The following HSD17B4 variants were observed in gnomAD, a reference collection of about 807,000 sequenced individuals.
HSD17B4 encodes the protein hydroxysteroid 17-beta dehydrogenase 4.
In HSD17B4, 70 loss-of-function variants were observed where a neutral mutation model predicts 101.0. That is an observed-to-expected ratio of 0.69 (90% CI 0.57 to 0.85). HSD17B4 has a LOEUF of 0.85. Ranked by LOEUF, HSD17B4 falls within the 40% of genes least tolerant of loss-of-function variation. The probability of loss-of-function intolerance (pLI) is 0.00; values close to 1 mark genes in which losing one functional copy is unlikely to be tolerated. For missense variants in HSD17B4, 984 were observed against 892.4 expected, an observed-to-expected ratio of 1.10 and a Z score of -1.31; for synonymous variants, 347 against 297.1, an observed-to-expected ratio of 1.17 and a Z score of -1.73.
chr5:119,528,353 A>T (rs1257198555), intron 20 of HSD17B4, among the ~76,000 whole-genome samples: 2 of 152,090 alleles, frequency 1.3e-5, no homozygotes, highest in African/African-American at 4.8e-5. Context: ...TTTACTCCTA[A>T]TTCCTTTCTG....
In HSD17B4 at chr5:119,452,707, C is replaced by T. The variant is rs764466711; in HGVS notation, c.58+74C>T. Reference sequence around the variant, plus strand: ...GCTGCTCTTTTCGGGCCGGCATACGCGCGCAGCCGCAGCTGAGGTCACCCC... The same window carrying T: ...GCTGCTCTTTTCGGGCCGGCATACGTGCGCAGCCGCAGCTGAGGTCACCCC... On this transcript the variant is annotated intron_variant, in intron 1 of 23. Coordinates refer to ENST00000510025, the MANE Select transcript of HSD17B4 (RefSeq NM_000414.4). The T allele has an allele frequency of 5.0e-6, 8 of 1,607,360 alleles. No homozygotes were observed. The African/African-American group carries it at 9.3e-5, about 19-fold the overall frequency.
At chr5:119,502,178 A>G (rs776165552) in intron 14 of HSD17B4, 86 bp downstream of exon 14, 47 of 880,886 alleles carry the variant, frequency 5.3e-5, no homozygotes, top group South Asian at 2.1e-4. Context: ...TTAAACTGGT[A>G]TAGAGTGACC....
intron 2 of HSD17B4, 144 bp downstream of exon 2, chr5:119,456,512 G>A (rs1754683627): frequency 6.0e-6 from 4 of 662,394 alleles, no homozygotes; most frequent in Admixed American, 5.2e-5. Flanking sequence ...TTTTTACCCC[G>A]ACTAAGGCTG....
intron 16 of HSD17B4, among the ~76,000 whole-genome samples, chr5:119,512,677 T>C (rs1752285059): frequency 6.6e-6 from 1 of 152,184 alleles, no homozygotes; most frequent in Non-Finnish European, 1.5e-5. Flanking sequence ...AGAGAATTTG[T>C]TGTTAGCAGT....
At chr5:119,497,753 A>G (rs1227427712) in intron 12 of HSD17B4, among the ~76,000 whole-genome samples, 1 of 152,258 alleles carries the variant, frequency 6.6e-6, no homozygotes, top group Non-Finnish European at 1.5e-5. Flanking sequence ...ATAAAACTGT[A>G]TAAAATATGT....
chr5:119,491,504 GAA>G (rs996081733), intron 9 of HSD17B4, among the ~76,000 whole-genome samples: 1 of 112,956 alleles, frequency 8.9e-6, no homozygotes, highest in African/African-American at 3.6e-5. Context: ...ATGACCTCTA[GAA>G]AAAATTATAG....
intron 8 of HSD17B4, among the ~76,000 whole-genome samples, chr5:119,483,413 TG>T (rs1233951470): frequency 7.2e-5 from 11 of 152,158 alleles, no homozygotes; most frequent in African/African-American, 2.7e-4. Flanking sequence ...TATCTTGGTT[TG>T]AGGATGGAAG....
In HSD17B4 at chr5:119,508,919, G is replaced by C. The variant is rs573773863; in HGVS notation, c.1334-222G>C. ...AACTGCTATTTCATAGTTAAGAAAG[G>C]ATTTTTGAAGCTCCTCTTCTCTCTG... On this transcript the variant is annotated intron_variant, in intron 15 of 23. Transcript: ENST00000510025. Among the ~76,000 whole-genome samples the C allele has an allele frequency of 8.5e-5, 13 of 152,304 alleles. No homozygotes were observed. The South Asian group carries it at 2.5e-3, about 29-fold the overall frequency.
chr5:119,536,368 C>T (rs189986842), intron 22 of HSD17B4, 55 bp from the exon 23 acceptor site: 186 of 1,531,214 alleles, frequency 1.2e-4, no homozygotes, highest in Middle Eastern at 1.7e-4. Context: ...TTTATTTTAC[C>T]CTCATTTTGT....
intron 2 of HSD17B4, chr5:119,472,417 T>C (rs563341383): frequency 2.0e-5 from 3 of 152,032 alleles, no homozygotes; most frequent in Non-Finnish European, 4.4e-5. Flanking sequence ...CTAGAACTTA[T>C]TTATCTTGCA....
chr5:119,491,501 C>G (rs1340151808), intron 9 of HSD17B4, among the ~76,000 whole-genome samples: 4 of 123,860 alleles, frequency 3.2e-5, no homozygotes, highest in Non-Finnish European at 6.6e-5. Context: ...TGAATGACCT[C>G]TAGAAAAAAT....
At chr5:119,500,242 A>G (rs1751034629) in intron 13 of HSD17B4, among the ~76,000 whole-genome samples, 1 of 151,996 alleles carries the variant, frequency 6.6e-6, no homozygotes, top group African/African-American at 2.4e-5. Context: ...GCTGCATATG[A>G]GGGTTAGAAA....
chr5:119,469,510 C>T (rs990524706), intron 2 of HSD17B4, among the ~76,000 whole-genome samples: 7 of 152,110 alleles, frequency 4.6e-5, no homozygotes, highest in South Asian at 2.1e-4. Context: ...TCCACCACCA[C>T]GCCTGGCTAA....
At chr5:119,455,562 C>A (rs1339229311) in intron 1 of HSD17B4, among the ~76,000 whole-genome samples, 311 of 131,566 alleles carry the variant, frequency 2.4e-3, no homozygotes, top group African/African-American at 4.5e-3. Context: ...CTCTCTCTCT[C>A]TCTCTCTATA....
rs1337683588 is a variant in HSD17B4 at position 119,529,985 on chromosome 5, G to C, written c.1854+5G>C. 6.4e-6 allele frequency: 10 copies of C among 1,568,892 alleles called. No individual in the cohort carries two copies. The South Asian group carries it at 8.9e-5, about 14-fold the overall frequency. On this transcript the variant is annotated splice_donor_5th_base_variant and intron_variant, in intron 21 of 23. Coordinates refer to ENST00000510025, the MANE Select transcript of HSD17B4 (RefSeq NM_000414.4). ...TCAGCTAAGACACCCTCTGAGGTAG[G>C]TTATAAAAATTAGTATCCAAGCCAC...
At chr5:119,467,781 G>T (rs1216543938) in intron 2 of HSD17B4, among the ~76,000 whole-genome samples, 1 of 152,134 alleles carries the variant, frequency 6.6e-6, no homozygotes, top group Non-Finnish European at 1.5e-5. Flanking sequence ...ACTTGAGTAG[G>T]CACAGATTTT....
chr5:119,497,979 A>G (rs377351564), intron 12 of HSD17B4, among the ~76,000 whole-genome samples: 2 of 152,232 alleles, frequency 1.3e-5, no homozygotes, highest in African/African-American at 4.8e-5. Flanking sequence ...GGAAGCATCG[A>G]TATTGTATTT....
At chr5:119,492,448 C>T (rs1002584704) in intron 10 of HSD17B4, 6 of 281,304 alleles carry the variant, frequency 2.1e-5, no homozygotes, top group Admixed American at 4.6e-5. Flanking sequence ...CCCACATGCT[C>T]GTTCTTGCTG....
chr5:119,513,850 C>A (rs1752382161), intron 16 of HSD17B4, among the ~76,000 whole-genome samples: 2 of 152,138 alleles, frequency 1.3e-5, no homozygotes, highest in South Asian at 4.1e-4. Flanking sequence ...CGGCACTGTC[C>A]ATCTTAAATG....
Sources: gnomAD v4.1 joint callset for allele counts (sites outside exome capture counted in the v4.1 genomes callset) on GRCh38, gnomAD v4.1.1 for gene constraint, MANE v1.5 for transcripts, NCBI Gene and HGNC (gene_info 2026-07-23, HGNC 2026-07-21) for gene names.